The following POFUT3 variants were observed in gnomAD, a reference collection of about 807,000 sequenced individuals.
POFUT3 encodes the protein protein O-fucosyltransferase 3, also known as GDP-fucose protein O-fucosyltransferase 3.
the POFUT3 span, among the ~76,000 whole-genome samples, chr8:33,380,014 A>AGT: frequency 2.9e-5 from 2 of 69,008 alleles, no homozygotes; most frequent in Non-Finnish European, 4.8e-5. Flanking sequence ...CTATATATAT[A>AGT]GTATATATAT....
At chr8:33,408,561 G>T in the POFUT3 span, among the ~76,000 whole-genome samples, 1 of 152,124 alleles carries the variant, frequency 6.6e-6, no homozygotes, top group Admixed American at 6.5e-5. Context: ...CAAGAAGCAT[G>T]CAATGATGCT....
the POFUT3 span, among the ~76,000 whole-genome samples, chr8:33,435,074 A>G: frequency 6.6e-6 from 1 of 152,140 alleles, no homozygotes; most frequent in East Asian, 1.9e-4. Context: ...TTTCTTATTC[A>G]TTCCTCCCCA....
the POFUT3 span, among the ~76,000 whole-genome samples, chr8:33,318,568 ATATAAATATAT>A: frequency 1.1e-5 from 1 of 92,548 alleles, no homozygotes; most frequent in African/African-American, 5.0e-5. Flanking sequence ...TATATATAAT[ATATAAATATAT>A]TGTATATATA....
chr8:33,431,372 C>T, the POFUT3 span, among the ~76,000 whole-genome samples: 3 of 151,122 alleles, frequency 2.0e-5, no homozygotes, highest in South Asian at 6.3e-4. Flanking sequence ...TATGGTGAGA[C>T]CCAGTGTCTA....
chr8:33,360,927 G>C, the POFUT3 span: 1 of 152,168 alleles, frequency 6.6e-6, no homozygotes, highest in South Asian at 2.1e-4. Context: ...CTACACATTT[G>C]AGGTGAATTT....
the POFUT3 span, among the ~76,000 whole-genome samples, chr8:33,366,662 C>G: frequency 6.6e-6 from 1 of 152,166 alleles, no homozygotes; most frequent in Non-Finnish European, 1.5e-5. Flanking sequence ...GGTGGATATT[C>G]GTTTTCCAAA....
At chr8:33,392,923 G>A in the POFUT3 span, among the ~76,000 whole-genome samples, 1 of 152,144 alleles carries the variant, frequency 6.6e-6, no homozygotes, top group Non-Finnish European at 1.5e-5. Flanking sequence ...AGAGGTTTCA[G>A]TGACCCAAGA....
At chr8:33,351,582 C>T in the POFUT3 span, among the ~76,000 whole-genome samples, 1 of 152,166 alleles carries the variant, frequency 6.6e-6, no homozygotes, top group African/African-American at 2.4e-5. Flanking sequence ...CTTCCTCTTC[C>T]ACCAAGAGTG....
At chr8:33,310,386 C>T in the POFUT3 span, among the ~76,000 whole-genome samples, 1 of 152,100 alleles carries the variant, frequency 6.6e-6, no homozygotes, top group Non-Finnish European at 1.5e-5. Flanking sequence ...CAGATGTGTT[C>T]TCTCATCAAA....
the POFUT3 span, among the ~76,000 whole-genome samples, chr8:33,318,466 TTATATTATTATAATATATAATGTACA>T: frequency 1.5e-5 from 2 of 133,380 alleles, no homozygotes; most frequent in East Asian, 4.0e-4. Flanking sequence ...ATGAATTCTA[TTATATTATTATAATATATAATGTACA>T]TATATTATAA....
chr8:33,351,518 C>T, the POFUT3 span, among the ~76,000 whole-genome samples: 12 of 152,226 alleles, frequency 7.9e-5, no homozygotes, highest in East Asian at 2.3e-3. Flanking sequence ...CCCTGCACCT[C>T]CTGCCCTAAC....
At chr8:33,371,854 T>A in the POFUT3 span, 2 of 152,226 alleles carry the variant, frequency 1.3e-5, no homozygotes, top group Non-Finnish European at 2.9e-5. Flanking sequence ...ATCATAAGCA[T>A]AGCAATTCTT....
At chr8:33,391,995 T>C in the POFUT3 span, among the ~76,000 whole-genome samples, 203 of 152,224 alleles carry the variant, frequency 1.3e-3, no homozygotes, top group African/African-American at 4.7e-3. Flanking sequence ...TGCATTCAGA[T>C]GAATGCTCTC....
chr8:33,442,144 G>A, the POFUT3 span, among the ~76,000 whole-genome samples: 1 of 151,630 alleles, frequency 6.6e-6, no homozygotes. Context: ...TTTGTTTTTT[G>A]TTTAGTAGAG....
the POFUT3 span, among the ~76,000 whole-genome samples, chr8:33,359,185 A>G: frequency 1.3e-5 from 2 of 152,208 alleles, no homozygotes; most frequent in Admixed American, 6.5e-5. Context: ...GATATTATCA[A>G]TTGGTGAATC....
the POFUT3 span, among the ~76,000 whole-genome samples, chr8:33,454,494 T>C: frequency 7.2e-5 from 11 of 152,178 alleles, no homozygotes; most frequent in African/African-American, 2.7e-4. Context: ...ATTGATCCCA[T>C]CTGCAAAGTC....
the POFUT3 span, among the ~76,000 whole-genome samples, chr8:33,468,469 A>T: frequency 0.012 from 1,844 of 152,148 alleles, 43 homozygotes; most frequent in African/African-American, 0.042. Flanking sequence ...TCAAATTTAA[A>T]CTATTCACAC....
chr8:33,444,156 AG>A, the POFUT3 span, among the ~76,000 whole-genome samples: 2 of 152,092 alleles, frequency 1.3e-5, no homozygotes, highest in Admixed American at 1.3e-4. Flanking sequence ...AAAATACGGC[AG>A]GGGTTTATGT....
chr8:33,394,136 G>A, the POFUT3 span: 149 of 183,622 alleles, frequency 8.1e-4, 1 homozygote, highest in African/African-American at 3.4e-3. Flanking sequence ...AGTGCACCGT[G>A]ATCACGCCAC....
Sources: gnomAD v4.1 joint callset for allele counts (sites outside exome capture counted in the v4.1 genomes callset) on GRCh38, gnomAD v4.1.1 for gene constraint, MANE v1.5 for transcripts, NCBI Gene and HGNC (gene_info 2026-07-23, HGNC 2026-07-21) for gene names.